The following SORBS2 variants were observed in gnomAD, a reference collection of about 807,000 sequenced individuals.
SORBS2 encodes sorbin and SH3 domain-containing protein 2.
SORBS2 carries 46 observed loss-of-function variants against 97.7 expected under a neutral mutation model. The observed-to-expected ratio is 0.47, with a 90% CI of 0.37 to 0.60. The LOEUF (loss-of-function observed/expected upper bound fraction) is 0.60. SORBS2 is among the 20% of genes least tolerant of loss of function. The pLI is 0.00. For missense variants in SORBS2, 1,316 were observed against 1,282.3 expected (o/e 1.03, Z -0.40); for synonymous variants, 476 against 473.4 (o/e 1.01, Z -0.07).
intron 1 of SORBS2, among the ~76,000 whole-genome samples, chr4:185,780,341 G>A (rs978374954): frequency 6.6e-6 from 1 of 152,108 alleles, no homozygotes; most frequent in Non-Finnish European, 1.5e-5. Flanking sequence ...ATGCTTGTCT[G>A]CTTCAACCAC....
chr4:185,735,880 C>T (rs1042132784), intron 2 of SORBS2, among the ~76,000 whole-genome samples: 2 of 152,112 alleles, frequency 1.3e-5, no homozygotes, highest in Non-Finnish European at 2.9e-5. Context: ...TAATATTATC[C>T]TAATGTTGCT....
At chr4:185,797,521 G>A (rs1156751172) in intron 1 of SORBS2, among the ~76,000 whole-genome samples, 3 of 152,146 alleles carry the variant, frequency 2.0e-5, no homozygotes, top group African/African-American at 7.2e-5. Context: ...TCCTGATGCT[G>A]ATGACAAAAA....
intron 2 of SORBS2, among the ~76,000 whole-genome samples, chr4:185,711,060 C>T (rs185555594): frequency 6.6e-6 from 1 of 152,230 alleles, no homozygotes; most frequent in Admixed American, 6.5e-5. Flanking sequence ...GCCTTGACTG[C>T]CTGGATTCAA....
At chr4:185,626,550 T>C (rs2096818633) in intron 6 of SORBS2, among the ~76,000 whole-genome samples, 1 of 152,240 alleles carries the variant, frequency 6.6e-6, no homozygotes, top group Non-Finnish European at 1.5e-5. Flanking sequence ...TTTAGTAGCC[T>C]GATGATACAT....
chr4:185,815,290 T>C (rs1191498567), intron 1 of SORBS2, among the ~76,000 whole-genome samples: 1 of 152,184 alleles, frequency 6.6e-6, no homozygotes, highest in Admixed American at 6.5e-5. Flanking sequence ...TTTTCTCTAT[T>C]GAGATTGTTG....
chr4:185,587,569 G>T (rs3186), exon 15 of SORBS2: 350,097 of 1,498,360 alleles, frequency 0.23, 43,215 homozygotes, highest in East Asian at 0.35. Context: ...GGTGTTTCAG[G>T]CGCGTTGACG....
At chr4:185,647,164 T>G (rs2097221331) in intron 3 of SORBS2, among the ~76,000 whole-genome samples, 1 of 152,136 alleles carries the variant, frequency 6.6e-6, no homozygotes, top group Non-Finnish European at 1.5e-5. Flanking sequence ...AGTGGGATCA[T>G]CGCTTGGGAA....
chr4:185,894,011 T>A (rs2149810062), intron 1 of SORBS2, among the ~76,000 whole-genome samples: 1 of 152,182 alleles, frequency 6.6e-6, no homozygotes, highest in African/African-American at 2.4e-5. Context: ...CGAATGCAGA[T>A]TTTCCCTACA....
chr4:185,636,039 A>G (rs916655218), intron 4 of SORBS2, among the ~76,000 whole-genome samples: 2 of 151,936 alleles, frequency 1.3e-5, no homozygotes, highest in African/African-American at 4.8e-5. Flanking sequence ...TTGTATTTTT[A>G]GTAGAGAAGG....
chr4:185,808,057 G>C (rs2099164284), intron 1 of SORBS2, among the ~76,000 whole-genome samples: 1 of 152,100 alleles, frequency 6.6e-6, no homozygotes, highest in Non-Finnish European at 1.5e-5. Context: ...AACATGATTA[G>C]TCTTTAAGAT....
chr4:185,793,029 G>A (rs1343416553), intron 1 of SORBS2, among the ~76,000 whole-genome samples: 5 of 152,160 alleles, frequency 3.3e-5, no homozygotes, highest in Non-Finnish European at 7.3e-5. Flanking sequence ...AATTTGGCAC[G>A]CTGCCTGACA....
At chr4:185,690,505 C>T in intron 2 of SORBS2, 57 bp downstream of exon 4, 2 of 1,188,410 alleles carry the variant, frequency 1.7e-6, no homozygotes, top group South Asian at 1.5e-5. Context: ...TGATTTAGGG[C>T]CAACATGATT....
At chr4:185,825,535 A>G (rs1249492723) in intron 1 of SORBS2, among the ~76,000 whole-genome samples, 1 of 152,234 alleles carries the variant, frequency 6.6e-6, no homozygotes, top group Non-Finnish European at 1.5e-5. Context: ...CAGATTCCTG[A>G]AAGTCGATCA....
intron 1 of SORBS2, among the ~76,000 whole-genome samples, chr4:185,900,189 C>G (rs1447920647): frequency 6.6e-6 from 1 of 152,144 alleles, no homozygotes; most frequent in African/African-American, 2.4e-5. Context: ...TAGAGGCAGA[C>G]AATCGTTCAT....
chr4:185,929,140 A>T (rs909846226), intron 1 of SORBS2, among the ~76,000 whole-genome samples: 3 of 152,210 alleles, frequency 2.0e-5, no homozygotes, highest in African/African-American at 4.8e-5. Flanking sequence ...CAGTGGTTTT[A>T]AAACTTTAGT....
In SORBS2 at chr4:185,809,455, CAAAAAAAAAAAAAA is replaced by C. The variant is rs55713465; in HGVS notation, c.-337-34103_-337-34090del. ...GACTCTTCAGGGGGCACTGCATTTG[CAAAAAAAAAAAAAA>C]AAAAAAAAAAAAATCTGATATAGTA... is the stretch of plus-strand genomic sequence containing the variant. On this transcript the variant is annotated intron_variant, in intron 1 of 20. Transcript: ENST00000284776. Among the ~76,000 whole-genome samples the C allele has an allele frequency of 1.7e-4, 8 of 47,290 alleles. No individual in the cohort carries two copies. In the South Asian group the frequency reaches 5.9e-3, roughly 35 times the overall value. 31.0% of individuals were successfully genotyped at this position (47,290 alleles called of 152,430 possible).
chr4:185,951,898 G>A (rs2099277377), intron 1 of SORBS2, among the ~76,000 whole-genome samples: 1 of 152,110 alleles, frequency 6.6e-6, no homozygotes, highest in South Asian at 2.1e-4. Flanking sequence ...TGCTAGCCAG[G>A]CAATCATAAA....
intron 1 of SORBS2, among the ~76,000 whole-genome samples, chr4:185,853,085 C>T (rs946095421): frequency 1.3e-5 from 2 of 152,086 alleles, no homozygotes; most frequent in African/African-American, 2.4e-5. Flanking sequence ...TGTAAAATAC[C>T]TTCTCCCTGC....
chr4:185,698,648 G>T (rs1473008867), intron 2 of SORBS2, among the ~76,000 whole-genome samples: 1 of 152,184 alleles, frequency 6.6e-6, no homozygotes, highest in Non-Finnish European at 1.5e-5. Flanking sequence ...AGAAGACGGT[G>T]TGGTAGAAGG....
Sources: allele counts gnomAD v4.1 joint callset (sites outside exome capture counted in the v4.1 genomes callset), GRCh38; gene constraint gnomAD v4.1.1; transcripts MANE v1.5; gene names NCBI Gene and HGNC (gene_info 2026-07-23, HGNC 2026-07-21).